Variants in SYNE1 observed in about 807,000 individuals in gnomAD.
SYNE1 encodes spectrin repeat containing nuclear envelope protein 1.
SYNE1 carries 616 observed loss-of-function variants against 1,111.0 expected under a neutral mutation model. The observed-to-expected ratio is 0.55, with a 90% CI of 0.52 to 0.59. SYNE1 has a LOEUF of 0.59. SYNE1 is among the 20% of genes least tolerant of loss of function. The pLI is 0.00. For missense variants in SYNE1, 10,006 were observed against 10,417.0 expected (o/e 0.96, Z 1.72); for synonymous variants, 3,855 against 3,825.8 (o/e 1.01, Z -0.28).
chr6:152,495,749 C>T (rs540027320), intron 11 of SYNE1, among the ~76,000 whole-genome samples: 23 of 152,260 alleles, frequency 1.5e-4, no homozygotes, highest in South Asian at 2.1e-4. Flanking sequence ...TTAGCCTGTG[C>T]GGTCTAACCC....
rs2080016381 is a variant in SYNE1 at position 152,220,849 on chromosome 6, T to G, written c.21854A>C (p.Asp7285Ala). The G allele has an allele frequency of 6.2e-7, 1 of 1,613,686 alleles. No homozygotes were observed. The highest frequency in any genetic ancestry group is 8.5e-7 in the Non-Finnish European group (1 of 1,179,900). The change falls in exon 119 of 146, where the codon GAT (aspartate) becomes GCT (alanine). Residue 7285 changes from aspartate to alanine, a missense_variant. Physicochemically the swap from Asp to Ala is moderately radical, Grantham distance 126. This residue lies in a region of SYNE1 where 2,182 missense variants were observed against 2,287.8 expected (regional missense o/e 0.95). Transcript: ENST00000367255. ...GGTAGCTCCTGAACATACGTTGCAA[T>G]CTTGAATCCATGTGGCAACCTCATC... ...ADDEVATWIQ[D>A]CNDLLKGLGT...
intron 58 of SYNE1, among the ~76,000 whole-genome samples, chr6:152,375,191 C>G (rs2154100663): frequency 6.6e-6 from 1 of 152,262 alleles, no homozygotes; most frequent in South Asian, 2.1e-4. Context: ...GATCCACCCA[C>G]TGTGGCCTCC....
At chr6:152,609,636 G>A (rs7742496) in intron 3 of SYNE1, among the ~76,000 whole-genome samples, 32,733 of 152,082 alleles carry the variant, frequency 0.22, 3,765 homozygotes, top group East Asian at 0.26. Context: ...CCAGCACGGC[G>A]TTTGAGCTCT....
chr6:152,268,464 A>G (rs1323603101), intron 99 of SYNE1, among the ~76,000 whole-genome samples: 1 of 151,740 alleles, frequency 6.6e-6, no homozygotes, highest in Non-Finnish European at 1.5e-5. Context: ...TACAAAATGT[A>G]CTCTCATTTT....
Position 152,318,932 on chromosome 6 carries a change from G to A in SYNE1, c.16320C>T (p.Asp5440=). 6.2e-7 allele frequency: 1 copy of A among 1,614,120 alleles called. No homozygotes were observed. Among genetic ancestry groups the A allele is most frequent in the South Asian group, 1.1e-5 (1 of 91,076 alleles). The change falls in exon 85 of 146, where the codon GAC becomes GAT. Residue 5440 remains aspartate (D), a synonymous_variant. Coordinates refer to ENST00000367255, the MANE Select transcript of SYNE1 (RefSeq NM_182961.4). ...LSRQIQKLAK[D]LTTILTKLKA... ...TCAGCTTAGTTAGAATAGTTGTGAG[G>A]TCTTTAGCTAACTTCTGAATTTGCC...
chr6:152,234,025 G>C, intron 111 of SYNE1, 62 bp from the exon 112 acceptor site: 1 of 1,561,088 alleles, frequency 6.4e-7, no homozygotes, highest in Non-Finnish European at 8.7e-7. Context: ...TAAAAGGAAA[G>C]CGACCAATTT....
At position 152,395,504 on chromosome 6, in the gene SYNE1, T is replaced by A; in HGVS notation, c.7712+12A>T. 1 of 1,612,262 alleles carries A rather than the reference T, an allele frequency of 6.2e-7. No individual in the cohort carries two copies. On this transcript the variant is annotated intron_variant, in intron 51 of 145. Transcript: ENST00000367255. ...TAAGAGGTAAAGGACCTGTTCCATT[T>A]CTGGACCATACCTTGCAGCCAGCAG...
intron 51 of SYNE1, among the ~76,000 whole-genome samples, chr6:152,392,071 A>T (rs2097651447): frequency 6.6e-6 from 1 of 152,068 alleles, no homozygotes; most frequent in Non-Finnish European, 1.5e-5. Flanking sequence ...TCACATCCCC[A>T]GGAGCATCCA....
intron 87 of SYNE1, 77 bp from the exon 88 acceptor site, chr6:152,310,950 A>G: frequency 6.8e-7 from 1 of 1,466,912 alleles, no homozygotes; most frequent in Admixed American, 1.9e-5. Flanking sequence ...CTTGGCATAA[A>G]ATGCCCTGTG....
intron 127 of SYNE1, among the ~76,000 whole-genome samples, 186 bp downstream of exon 127, chr6:152,201,638 T>G (rs2075463568): frequency 6.6e-6 from 1 of 152,192 alleles, no homozygotes; most frequent in African/African-American, 2.4e-5. Context: ...CATAAACTAG[T>G]CTATAATTTC....
At chr6:152,504,956 C>T (rs2099049875) in intron 9 of SYNE1, among the ~76,000 whole-genome samples, 1 of 152,162 alleles carries the variant, frequency 6.6e-6, no homozygotes, top group South Asian at 2.1e-4. Flanking sequence ...ATATTAAGTC[C>T]AGTTCACCCG....
chr6:152,360,520 T>C (rs1245009346), intron 64 of SYNE1, among the ~76,000 whole-genome samples: 1 of 152,204 alleles, frequency 6.6e-6, no homozygotes, highest in Non-Finnish European at 1.5e-5. Flanking sequence ...CTTTTCAAAA[T>C]GATTCTCTCT....
At chr6:152,166,814 G>C (rs1398528730) in intron 130 of SYNE1, among the ~76,000 whole-genome samples, 3 of 152,160 alleles carry the variant, frequency 2.0e-5, no homozygotes, top group Non-Finnish European at 4.4e-5. Context: ...TGTGCTGGGG[G>C]AGCAGAGGTG....
At chr6:152,560,218 T>C (rs1010698248) in intron 3 of SYNE1, among the ~76,000 whole-genome samples, 1 of 151,916 alleles carries the variant, frequency 6.6e-6, no homozygotes. Context: ...ATAAATAAAT[T>C]AGCTGGGTGT....
intron 145 of SYNE1, among the ~76,000 whole-genome samples, chr6:152,122,889 A>T (rs976984317): frequency 1.3e-5 from 2 of 152,226 alleles, no homozygotes; most frequent in Non-Finnish European, 2.9e-5. Context: ...ACATTTAGTC[A>T]GTCAACTAAA....
At chr6:152,594,585 G>T (rs534176021) in intron 3 of SYNE1, among the ~76,000 whole-genome samples, 2 of 152,266 alleles carry the variant, frequency 1.3e-5, no homozygotes, top group South Asian at 4.1e-4. Context: ...AGGAAACAGG[G>T]TGAATTATTT....
intron 4 of SYNE1, among the ~76,000 whole-genome samples, chr6:152,529,112 T>C (rs1297025755): frequency 6.6e-6 from 1 of 152,128 alleles, no homozygotes; most frequent in African/African-American, 2.4e-5. Context: ...CACTTAGATG[T>C]TTAACAATAT....
At chr6:152,481,566 A>C (rs2154292712) in intron 14 of SYNE1, 1 of 453,646 alleles carries the variant, frequency 2.2e-6, no homozygotes, top group Non-Finnish European at 4.4e-6. Flanking sequence ...AAAAATAAAT[A>C]AATAAACAAA....
chr6:152,401,536 A>G (rs2097819247), intron 46 of SYNE1, among the ~76,000 whole-genome samples, 195 bp from the exon 47 acceptor site: 1 of 152,320 alleles, frequency 6.6e-6, no homozygotes, highest in Middle Eastern at 3.4e-3. Context: ...GTGATGGGCA[A>G]ATAGAAAGAG....
Sources: gnomAD v4.1 joint callset for allele counts (sites outside exome capture counted in the v4.1 genomes callset) on GRCh38, gnomAD v4.1.1 for gene constraint, gnomAD v4.1.1 regional missense constraint, MANE v1.5 for transcripts, NCBI Gene and HGNC (gene_info 2026-07-23, HGNC 2026-07-21) for gene names.